EBF2: variants seen among roughly 807,000 people sequenced by gnomAD.
The protein encoded by EBF2 is EBF transcription factor 2.
In EBF2, 21 loss-of-function variants were observed where a neutral mutation model predicts 72.8. The observed-to-expected ratio is 0.29, with a 90% CI of 0.20 to 0.42. The LOEUF (loss-of-function observed/expected upper bound fraction) is 0.42, where lower values mean the gene tolerates loss of function less well. Among genes scored for constraint, EBF2 ranks in the 10% least tolerant of loss-of-function variants. The pLI, the probability that EBF2 is intolerant of heterozygous loss-of-function variation, is 1.00. For missense variants in EBF2, 637 were observed against 731.2 expected (o/e 0.87, Z 1.49); for synonymous variants, 299 against 274.2 (o/e 1.09, Z -0.89).
chr8:25,989,713 C>A (rs1804515114), intron 6 of EBF2, among the ~76,000 whole-genome samples: 1 of 152,158 alleles, frequency 6.6e-6, no homozygotes, highest in African/African-American at 2.4e-5. Flanking sequence ...ATTGTGTATT[C>A]CATGTAAATA....
intron 6 of EBF2, among the ~76,000 whole-genome samples, chr8:26,008,508 C>G (rs1804920688): frequency 6.6e-6 from 1 of 151,894 alleles, no homozygotes; most frequent in Non-Finnish European, 1.5e-5. Flanking sequence ...CCCAAGGACT[C>G]CAAGATGTAT....
chr8:25,937,631 T>C (rs1428846423), intron 6 of EBF2, among the ~76,000 whole-genome samples: 1 of 152,210 alleles, frequency 6.6e-6, no homozygotes, highest in African/African-American at 2.4e-5. Context: ...CAAACAGATC[T>C]TCCTATTTGT....
At chr8:26,002,885 G>T in intron 6 of EBF2, among the ~76,000 whole-genome samples, 1 of 82,666 alleles carries the variant, frequency 1.2e-5, no homozygotes. Context: ...CAGGCGGGCA[G>T]GCGGGCAGGC....
chr8:26,025,098 T>C (rs1394933349), intron 6 of EBF2, among the ~76,000 whole-genome samples: 1 of 152,076 alleles, frequency 6.6e-6, no homozygotes, highest in Non-Finnish European at 1.5e-5. Context: ...GGATAGGATT[T>C]ATATTGGCAG....
intron 10 of EBF2, among the ~76,000 whole-genome samples, chr8:25,870,868 C>T (rs1169825620): frequency 4.6e-5 from 7 of 152,044 alleles, no homozygotes; most frequent in East Asian, 1.9e-4. Flanking sequence ...GGATACATCT[C>T]GTGTGCATCC....
At chr8:25,958,317 A>G (rs1803981151) in intron 6 of EBF2, among the ~76,000 whole-genome samples, 1 of 152,208 alleles carries the variant, frequency 6.6e-6, no homozygotes, top group Non-Finnish European at 1.5e-5. Flanking sequence ...ACCAACCTGT[A>G]ATTTCATCCA....
Position 25,939,504 on chromosome 8 carries a change from A to G in EBF2, c.552-30949T>C, listed in dbSNP as rs561110471. Among the ~76,000 whole-genome samples the G allele has an allele frequency of 9.2e-5, 14 of 152,326 alleles. No individual in the cohort carries two copies. The East Asian group carries it at 2.5e-3, about 27-fold the overall frequency. On this transcript the variant is annotated intron_variant, in intron 6 of 15. Coordinates refer to ENST00000520164, the MANE Select transcript of EBF2 (RefSeq NM_022659.4). ...CAGCCCAAAAAACCTTTTACAATTA[A>G]TGTAATGAAAACATTTGGCTAAACA... is the stretch of plus-strand genomic sequence containing the variant.
chr8:25,956,226 C>T (rs1226357543), intron 6 of EBF2, among the ~76,000 whole-genome samples: 1 of 152,080 alleles, frequency 6.6e-6, no homozygotes, highest in Non-Finnish European at 1.5e-5. Flanking sequence ...CGAGACCAGC[C>T]TGACCAACAT....
intron 6 of EBF2, among the ~76,000 whole-genome samples, chr8:25,977,246 C>T (rs769739266): frequency 1.3e-5 from 2 of 152,150 alleles, no homozygotes; most frequent in South Asian, 2.1e-4. Flanking sequence ...CCCCTTAATA[C>T]GTGCACATCG....
intron 10 of EBF2, among the ~76,000 whole-genome samples, chr8:25,875,955 T>G (rs973403301): frequency 3.3e-5 from 5 of 152,174 alleles, no homozygotes; most frequent in South Asian, 2.1e-4. Flanking sequence ...TAAAGATACA[T>G]GCACGCGTAT....
At chr8:25,862,362 C>T (rs992891037) in intron 11 of EBF2, among the ~76,000 whole-genome samples, 2 of 152,044 alleles carry the variant, frequency 1.3e-5, no homozygotes, top group African/African-American at 2.4e-5. Context: ...ATTAATGAGT[C>T]CTTGCAATTA....
chr8:25,855,921 G>A (rs1464974254), intron 14 of EBF2, among the ~76,000 whole-genome samples: 2 of 152,172 alleles, frequency 1.3e-5, no homozygotes, highest in Admixed American at 6.5e-5. Flanking sequence ...AGTTGGGCAG[G>A]TTGCCTTCCT....
chr8:26,007,671 C>A (rs1804903962), intron 6 of EBF2, among the ~76,000 whole-genome samples: 2 of 152,078 alleles, frequency 1.3e-5, no homozygotes, highest in Admixed American at 1.3e-4. Flanking sequence ...TCACGCCAAG[C>A]CTTCAAACCA....
At chr8:25,848,607 T>C (rs1801890849) in intron 15 of EBF2, among the ~76,000 whole-genome samples, 1 of 151,948 alleles carries the variant, frequency 6.6e-6, no homozygotes, top group African/African-American at 2.4e-5. Context: ...CCAGGTAAAA[T>C]AGAGAAGATC....
chr8:26,027,830 G>A (rs1428679870), intron 6 of EBF2, among the ~76,000 whole-genome samples: 3 of 152,156 alleles, frequency 2.0e-5, no homozygotes, highest in Non-Finnish European at 4.4e-5. Flanking sequence ...GAGTCCTTGA[G>A]GTGATGCTAA....
At chr8:25,923,542 A>T (rs1803339023) in intron 6 of EBF2, among the ~76,000 whole-genome samples, 2 of 152,174 alleles carry the variant, frequency 1.3e-5, no homozygotes, top group Non-Finnish European at 2.9e-5. Flanking sequence ...AAAAAAGCAG[A>T]TTTCGTCACT....
intron 10 of EBF2, among the ~76,000 whole-genome samples, chr8:25,883,678 A>G (rs1375878805): frequency 1.3e-5 from 2 of 152,042 alleles, no homozygotes; most frequent in African/African-American, 2.4e-5. Flanking sequence ...GTCTACATCA[A>G]TTGCGCTACT....
intron 10 of EBF2, among the ~76,000 whole-genome samples, chr8:25,874,093 A>G (rs1334074345): frequency 6.6e-6 from 1 of 152,170 alleles, no homozygotes; most frequent in Non-Finnish European, 1.5e-5. Flanking sequence ...CCAGTTTCTG[A>G]TGTCTGAATT....
intron 10 of EBF2, among the ~76,000 whole-genome samples, chr8:25,876,996 T>C (rs953265388): frequency 6.6e-6 from 1 of 152,252 alleles, no homozygotes; most frequent in African/African-American, 2.4e-5. Context: ...CTTAACCAGC[T>C]GTCTAATGTG....
Sources: gnomAD v4.1 joint callset for allele counts (sites outside exome capture counted in the v4.1 genomes callset) on GRCh38, gnomAD v4.1.1 for gene constraint, MANE v1.5 for transcripts, NCBI Gene and HGNC (gene_info 2026-07-23, HGNC 2026-07-21) for gene names.